The following ZFP82 variants were observed in gnomAD, a reference collection of about 807,000 sequenced individuals.
ZFP82 encodes the protein zinc finger protein 82 homolog.
In ZFP82, 30 loss-of-function variants were observed where a neutral mutation model predicts 54.0. The observed-to-expected ratio is 0.56, with a 90% CI of 0.42 to 0.75. The LOEUF (loss-of-function observed/expected upper bound fraction) is 0.75. Among genes scored for constraint, ZFP82 ranks in the 30% least tolerant of loss-of-function variants. The probability of loss-of-function intolerance (pLI) is 0.00; values close to 1 mark genes in which losing one functional copy is unlikely to be tolerated. For synonymous variants in ZFP82, 194 were observed against 209.5 expected (o/e 0.93, Z 0.64); for missense variants, 500 against 636.8 (o/e 0.79, Z 2.31).
At chr19:36,398,409 T>C (rs150730204) in intron 4 of ZFP82, among the ~76,000 whole-genome samples, 3,529 of 152,076 alleles carry the variant, frequency 0.023, 85 homozygotes, top group East Asian at 0.095. Context: ...TGGTGGCACA[T>C]GCTTGTAGTC....
At chr19:36,394,229 T>C in intron 4 of ZFP82, 119 bp from the exon 5 acceptor site, 1 of 960,702 alleles carries the variant, frequency 1.0e-6, no homozygotes, top group Non-Finnish European at 1.5e-6. Flanking sequence ...AAAATATTGT[T>C]ATACAATTTG....
At chr19:36,411,502 G>C (rs2032579996) in intron 1 of ZFP82, among the ~76,000 whole-genome samples, 1 of 152,046 alleles carries the variant, frequency 6.6e-6, no homozygotes, top group Non-Finnish European at 1.5e-5. Flanking sequence ...GTATGTACAA[G>C]CAGCATTTAA....
At chr19:36,407,845 A>G in intron 3 of ZFP82, 42 bp downstream of exon 3, 6 of 1,587,264 alleles carry the variant, frequency 3.8e-6, no homozygotes, top group Non-Finnish European at 4.3e-6. Flanking sequence ...AAGCTGATTT[A>G]CAGAGAACAC....
intron 3 of ZFP82, among the ~76,000 whole-genome samples, chr19:36,406,419 C>T (rs2032482893): frequency 6.6e-6 from 1 of 152,184 alleles, no homozygotes; most frequent in Non-Finnish European, 1.5e-5. Context: ...TACTCCCAGC[C>T]CCAGACAACC....
chr19:36,393,069 C>T lies in ZFP82; in HGVS notation c.1271G>A (p.Cys424Tyr), dbSNP rs767755496. The change falls in exon 5 of 5, where the codon TGT becomes TAT. Residue 424 changes from cysteine (C) to tyrosine (Y), a missense_variant. Transcript: ENST00000392161. Reference sequence around the variant, plus strand: ...TCTGAAGGCCTTCCCGCATTCCTTACAGTCATAGGGCTTAACACCAATATG... The same window carrying T: ...TCTGAAGGCCTTCCCGCATTCCTTATAGTCATAGGGCTTAACACCAATATG... The part of the protein sequence containing the change: ...SIHIGVKPYD[C>Y]KECGKAFRLL... The T allele has an allele frequency of 1.2e-6, 2 of 1,613,974 alleles. No homozygotes were observed. Among genetic ancestry groups the T allele is most frequent in the Non-Finnish European group, 1.7e-6 (2 of 1,180,022 alleles).
At chr19:36,401,229 T>C (rs2032379335) in intron 4 of ZFP82, among the ~76,000 whole-genome samples, 1 of 152,202 alleles carries the variant, frequency 6.6e-6, no homozygotes, top group African/African-American at 2.4e-5. Flanking sequence ...TAAATTCCAA[T>C]CATACAGACA....
chr19:36,414,774 A>G (rs1256166388), intron 1 of ZFP82, among the ~76,000 whole-genome samples: 1 of 151,920 alleles, frequency 6.6e-6, no homozygotes, highest in East Asian at 1.9e-4. Context: ...ACCATTCCAT[A>G]TCATAAAACC....
rs1001974714 is a variant in ZFP82, at chr19:36,392,529, G to A, written c.*212C>T. ...CACAAAGTGATGGGATAGGGATGAC[G>A]GTAAATGTCTTTTTCATTCTTATAA... On this transcript the variant is annotated 3_prime_UTR_variant, in exon 5 of 5. Transcript: ENST00000392161. 3.8e-5 allele frequency: 19 copies of A among 500,474 alleles called. No homozygotes were observed. The highest frequency in any genetic ancestry group is 2.1e-4 in the African/African-American group (11 of 51,406). The allele number at this position is 500,474 out of a possible 1,614,324, so 31.0% of individuals were successfully genotyped here.
intron 1 of ZFP82, among the ~76,000 whole-genome samples, chr19:36,417,544 G>T (rs1266078623): frequency 1.3e-5 from 2 of 152,056 alleles, no homozygotes; most frequent in African/African-American, 4.8e-5. Flanking sequence ...TCCTCCTCCC[G>T]CTCGGACCCC....
chr19:36,405,699 T>A (rs1174515632), intron 3 of ZFP82, 27 bp from the exon 4 acceptor site: 3 of 1,502,426 alleles, frequency 2.0e-6, no homozygotes, highest in Non-Finnish European at 2.7e-6. Flanking sequence ...GAATATAAGG[T>A]ACATGAAAAT....
chr19:36,413,293 C>G (rs1298005929), intron 1 of ZFP82, among the ~76,000 whole-genome samples: 2 of 152,142 alleles, frequency 1.3e-5, no homozygotes, highest in Non-Finnish European at 2.9e-5. Context: ...CACCTGTAAT[C>G]CCAGCTACTT....
Position 36,392,741 on chromosome 19 carries a change from T to C in ZFP82, c.1599A>G (p.Ter533=). The C allele has an allele frequency of 6.5e-7, 1 of 1,547,858 alleles. No homozygotes were observed. Among genetic ancestry groups the C allele is most frequent in the Non-Finnish European group, 8.7e-7 (1 of 1,153,642 alleles). The change falls in exon 5 of 5, where the codon TAA becomes TAG. Residue 533 remains the stop codon, a stop_retained_variant. Coordinates refer to ENST00000392161, the MANE Select transcript of ZFP82 (RefSeq NM_133466.4). The part of the protein sequence containing the change: ...HHLKIHNVKI[*] Reference sequence around the variant, plus strand: ...TAACACAGAAGTTGAAAAGACTTTCTTAGATTTTTACATTATGAATTTTCA... The same window carrying C: ...TAACACAGAAGTTGAAAAGACTTTCCTAGATTTTTACATTATGAATTTTCA...
At chr19:36,402,281 A>C (rs2032398721) in intron 4 of ZFP82, among the ~76,000 whole-genome samples, 1 of 151,944 alleles carries the variant, frequency 6.6e-6, no homozygotes, top group African/African-American at 2.4e-5. Flanking sequence ...ATCCTGGCTA[A>C]CACGGTAAAA....
intron 1 of ZFP82, among the ~76,000 whole-genome samples, chr19:36,416,586 G>A (rs7257783): frequency 0.036 from 5,521 of 151,620 alleles, 324 homozygotes; most frequent in African/African-American, 0.12. Context: ...GAGAAACCCC[G>A]TCTCTACTAA....
rs550683550 is a variant in ZFP82 at position 36,393,163 on chromosome 19, G to T, written c.1177C>A (p.Pro393Thr). 6.2e-7 allele frequency: 1 copy of T among 1,613,948 alleles called. No homozygotes were observed. The highest frequency in any genetic ancestry group is 2.2e-5 in the East Asian group (1 of 44,870). ...TTCCAGCATTCCTTACATTCGTAAG[G>T]TTTTTCACCAGTATGAATTCTGTGA... Reference protein sequence around the residue: ...LHHRIHTGEKPYECKECWKAF... With the variant: ...LHHRIHTGEKTYECKECWKAF... Residue 393 changes from proline (P) to threonine (T), a missense_variant, in exon 5 of 5, where the codon CCT becomes ACT. Physicochemically the swap from Pro to Thr is conservative, Grantham distance 38. Coordinates refer to ENST00000392161, the MANE Select transcript of ZFP82 (RefSeq NM_133466.4).
intron 1 of ZFP82, among the ~76,000 whole-genome samples, chr19:36,417,448 C>G (rs1282299798): frequency 6.6e-6 from 1 of 152,052 alleles, no homozygotes; most frequent in Non-Finnish European, 1.5e-5. Context: ...ATTCTCATGT[C>G]CTAAGAAATA....
intron 4 of ZFP82, among the ~76,000 whole-genome samples, chr19:36,402,866 C>T (rs999598090): frequency 6.6e-6 from 1 of 152,064 alleles, no homozygotes; most frequent in East Asian, 1.9e-4. Context: ...TGGCCAGGCG[C>T]GGTGGCTCAC....
chr19:36,403,931 T>TG (rs2032438855), intron 4 of ZFP82, among the ~76,000 whole-genome samples: 1 of 152,148 alleles, frequency 6.6e-6, no homozygotes, highest in South Asian at 2.1e-4. Context: ...TGAGAAAAGT[T>TG]GGGGGAAAAA....
chr19:36,409,235 G>C (rs2032536309), intron 2 of ZFP82, among the ~76,000 whole-genome samples: 1 of 152,010 alleles, frequency 6.6e-6, no homozygotes, highest in African/African-American at 2.4e-5. Context: ...CTGAGGCTGA[G>C]GCCAACTAAC....
Sources: gnomAD v4.1 joint callset for allele counts (sites outside exome capture counted in the v4.1 genomes callset) on GRCh38, gnomAD v4.1.1 for gene constraint, MANE v1.5 for transcripts, NCBI Gene and HGNC (gene_info 2026-07-23, HGNC 2026-07-21) for gene names.